Variants in TGIF1 observed in about 807,000 individuals in gnomAD.
TGIF1 encodes homeobox protein TGIF1.
A neutral mutation model predicts 19.3 loss-of-function variants in TGIF1; 4 were observed. The ratio of observed to expected loss-of-function variants is 0.21; its 90% CI spans 0.10 to 0.47. TGIF1 has a LOEUF of 0.47. Among genes scored for constraint, TGIF1 ranks in the 20% least tolerant of loss-of-function variants. The pLI is 0.98. For synonymous variants in TGIF1, 122 were observed against 129.3 expected (o/e 0.94, Z 0.38); for missense variants, 275 against 341.4 (o/e 0.81, Z 1.53).
At chr18:3,420,555 A>G (rs2082387500) in intron 2 of TGIF1, among the ~76,000 whole-genome samples, 1 of 152,254 alleles carries the variant, frequency 6.6e-6, no homozygotes, top group Non-Finnish European at 1.5e-5. Flanking sequence ...TAATTAAAAG[A>G]CAGAGACTAT....
intron 2 of TGIF1, among the ~76,000 whole-genome samples, chr18:3,434,273 A>G (rs532602532): frequency 1.1e-4 from 16 of 152,242 alleles, no homozygotes; most frequent in Admixed American, 9.2e-4. Flanking sequence ...GCGGTGGCTT[A>G]TGCCTGTAAT....
chr18:3,450,991 C>G (rs963671996), intron 1 of TGIF1, among the ~76,000 whole-genome samples: 7 of 151,550 alleles, frequency 4.6e-5, no homozygotes, highest in African/African-American at 1.2e-4. Flanking sequence ...CCGCCGCCCC[C>G]CTACTCCCAG....
intron 2 of TGIF1, among the ~76,000 whole-genome samples, chr18:3,426,545 T>C (rs2143165887): frequency 6.6e-6 from 1 of 152,282 alleles, no homozygotes; most frequent in South Asian, 2.1e-4. Context: ...GTGTTAGCTG[T>C]ACAGATAACC....
chr18:3,454,312 C>T (rs2083093941), intron 1 of TGIF1, among the ~76,000 whole-genome samples: 2 of 152,090 alleles, frequency 1.3e-5, no homozygotes, highest in African/African-American at 4.8e-5. Flanking sequence ...GTTTCAAACT[C>T]TTTGTGATTA....
intron 2 of TGIF1, among the ~76,000 whole-genome samples, chr18:3,436,957 T>C (rs992773528): frequency 2.2e-4 from 34 of 151,592 alleles, no homozygotes; most frequent in African/African-American, 7.7e-4. Flanking sequence ...ATACAAAAAT[T>C]AGCCAGGCCT....
upstream of TGIF1, among the ~76,000 whole-genome samples, chr18:3,445,780 A>G (rs2082737615): frequency 6.9e-6 from 1 of 144,726 alleles, no homozygotes; most frequent in African/African-American, 2.5e-5. Context: ...AAAAAAAAAA[A>G]AAAAAAAGCG....
chr18:3,423,211 C>T (rs545139170), intron 2 of TGIF1, among the ~76,000 whole-genome samples: 4 of 152,058 alleles, frequency 2.6e-5, no homozygotes, highest in African/African-American at 7.2e-5. Flanking sequence ...AATGTCTCCC[C>T]GTCGTTGATG....
intron 2 of TGIF1, among the ~76,000 whole-genome samples, chr18:3,440,778 T>C (rs536904875): frequency 1.3e-5 from 2 of 152,346 alleles, no homozygotes; most frequent in South Asian, 4.1e-4. Flanking sequence ...TATTTAGTTG[T>C]TAAAAACGGA....
At position 3,417,238 on chromosome 18, in the gene TGIF1, C is replaced by A. The variant is rs149002369; in HGVS notation, c.-117-905C>A. On this transcript the variant is annotated intron_variant, in intron 1 of 3. Coordinates refer to the TGIF1 transcript ENST00000401449. ...GCAGTGGTGCAATCTTAGCTCACTG[C>A]AACCTCCACTTCCCAGGTTCAAGCT... Among the ~76,000 whole-genome samples, 722 of 152,256 alleles carry A rather than the reference C, an allele frequency of 4.7e-3. 12 individuals carry two copies. The highest frequency in any genetic ancestry group is 0.017 in the African/African-American group (692 of 41,548).
upstream of TGIF1, chr18:3,447,632 TG>T (rs2082765716): frequency 3.2e-6 from 4 of 1,236,442 alleles, no homozygotes; most frequent in Non-Finnish European, 4.8e-6. Flanking sequence ...GGGGAGGCAG[TG>T]GGGGTGCATC....
rs931796360 is a variant in TGIF1, at chr18:3,452,296, G to T, written c.16+1791G>T. On this transcript the variant is annotated intron_variant, in intron 1 of 2. Coordinates refer to ENST00000343820, the MANE Select transcript of TGIF1 (RefSeq NM_003244.4). ...CTGGGGACCAAGGCTGGGCCCCGCC[G>T]GCCGCATCGGTGGGAACTTCCGCGG... 5 of 1,612,198 alleles carry T rather than the reference G, an allele frequency of 3.1e-6. No homozygotes were observed. The Admixed American group carries it at 8.3e-5, about 27-fold the overall frequency.
At chr18:3,445,723 CAAAAAAAAAAAAAAAAAAAA>C, upstream of TGIF1, among the ~76,000 whole-genome samples, 1 of 17,696 alleles carries the variant, frequency 5.7e-5, no homozygotes, top group African/African-American at 2.2e-4. Context: ...GACTCTGTCT[CAAAAAAAAAAAAAAAAAAAA>C]AAAAAAAAAA....
upstream of TGIF1, chr18:3,448,297 C>A: frequency 1.0e-6 from 1 of 985,440 alleles, no homozygotes; most frequent in Non-Finnish European, 1.2e-6. Flanking sequence ...CCCGGCTCCC[C>A]AGCGGATAGG....
At chr18:3,441,122 C>A (rs2143236533) in intron 2 of TGIF1, among the ~76,000 whole-genome samples, 1 of 152,224 alleles carries the variant, frequency 6.6e-6, no homozygotes, top group East Asian at 1.9e-4. Flanking sequence ...TACAGGCTGT[C>A]CAACTTTTTA....
In TGIF1 at chr18:3,450,231, G is replaced by A. The variant is rs1431325996; in HGVS notation, c.-259G>A. The A allele has an allele frequency of 2.8e-6, 4 of 1,419,810 alleles. No homozygotes were observed. Among genetic ancestry groups the A allele is most frequent in the Non-Finnish European group, 2.7e-6 (3 of 1,091,294 alleles). 88.0% of individuals were successfully genotyped at this position (1,419,810 alleles called of 1,614,324 possible). Reference sequence around the variant, plus strand: ...AGGGAACAAAGGAGCGGAGAGGGGAGGGGAGAGAGTTGGGCGAGGGAGAGC... The same window carrying A: ...AGGGAACAAAGGAGCGGAGAGGGGAAGGGAGAGAGTTGGGCGAGGGAGAGC... On this transcript the variant is annotated 5_prime_UTR_variant, in exon 1 of 3. Coordinates refer to ENST00000343820, the MANE Select transcript of TGIF1 (RefSeq NM_003244.4).
chr18:3,457,302 A>G lies in TGIF1; in HGVS notation c.244-63A>G. The G allele has an allele frequency of 6.5e-7, 1 of 1,549,878 alleles. No individual in the cohort carries two copies. The highest frequency in any genetic ancestry group is 8.9e-7 in the Non-Finnish European group (1 of 1,128,036). On this transcript the variant is annotated intron_variant, in intron 2 of 2. Transcript: ENST00000343820. This position sits in a 1 kb window ranked among gnomAD's most constrained non-coding sequence, Gnocchi z 4.9. ...AGATCAATTAGGTACCCCATAGAACATTCTCAGAACCCGTTGGCTGAGTGA... is the reference window on the plus strand; with the variant it reads ...AGATCAATTAGGTACCCCATAGAACGTTCTCAGAACCCGTTGGCTGAGTGA...
In TGIF1 at chr18:3,458,336, T is replaced by G. The variant is rs1165506635; in HGVS notation, c.*396T>G. The G allele has an allele frequency of 5.8e-6, 1 of 171,684 alleles. No homozygotes were observed. The highest frequency in any genetic ancestry group is 1.3e-5 in the Non-Finnish European group (1 of 79,906). 10.6% of individuals were successfully genotyped at this position (171,684 alleles called of 1,614,324 possible). The stretch of plus-strand genomic sequence containing the variant: ...ACTGTCTAATTAATAAATTTTCCAT[T>G]TTTTTTCAAACAAGTATGAATCTAG... On this transcript the variant is annotated 3_prime_UTR_variant, in exon 3 of 3. Coordinates refer to ENST00000343820, the MANE Select transcript of TGIF1 (RefSeq NM_003244.4).
In TGIF1 at chr18:3,457,733, G is replaced by A. The variant is rs775764296; in HGVS notation, c.612G>A (p.Ala204=). 9.9e-6 allele frequency: 16 copies of A among 1,614,118 alleles called. No homozygotes were observed. The highest frequency in any genetic ancestry group is 2.2e-5 in the East Asian group (1 of 44,882). ...AAAACACAGATATACAGCAGATAGC[G>A]GCCAAAAACTTCACAGACACCTCTC... The part of the protein sequence containing the change: ...VGQNTDIQQI[A]AKNFTDTSLM... Residue 204 remains alanine, a synonymous_variant, in exon 3 of 3, where the codon GCG becomes GCA. Transcript: ENST00000343820. The surrounding 1 kb of genome is among the most constrained non-coding windows in gnomAD (Gnocchi z 4.9).
chr18:3,452,357 G>A, intron 1 of TGIF1: 1 of 1,613,300 alleles, frequency 6.2e-7, no homozygotes, highest in East Asian at 2.2e-5. Flanking sequence ...CAGCTCCTCG[G>A]CGCCGACTCC....
Sources: allele counts gnomAD v4.1 joint callset (sites outside exome capture counted in the v4.1 genomes callset), GRCh38; gene constraint gnomAD v4.1.1; non-coding constraint Gnocchi (gnomAD v3.1); transcripts MANE v1.5; gene names NCBI Gene and HGNC (gene_info 2026-07-23, HGNC 2026-07-21).